Variants in PDE7B observed in about 807,000 individuals in gnomAD.
PDE7B encodes 3',5'-cyclic-AMP phosphodiesterase 7B.
A neutral mutation model predicts 56.2 loss-of-function variants in PDE7B; 29 were observed. The ratio of observed to expected loss-of-function variants is 0.52; its 90% CI spans 0.38 to 0.70. The LOEUF is 0.70. PDE7B is among the 30% of genes least tolerant of loss of function. The pLI is 0.00. For missense variants in PDE7B, 490 were observed against 565.0 expected, an observed-to-expected ratio of 0.87 and a Z score of 1.35; for synonymous variants, 197 against 196.9, an observed-to-expected ratio of 1.00 and a Z score of 0.00.
At chr6:136,181,837 T>G (rs1174101547) in intron 11 of PDE7B, among the ~76,000 whole-genome samples, 1 of 151,840 alleles carries the variant, frequency 6.6e-6, no homozygotes, top group East Asian at 1.9e-4. Context: ...GTTTCAACAG[T>G]GAGGTAGAAG....
At chr6:136,037,975 A>C in intron 2 of PDE7B, 2 of 1,225,282 alleles carry the variant, frequency 1.6e-6, no homozygotes, top group African/African-American at 3.1e-5. Flanking sequence ...AGGGGAAAAA[A>C]AATGCATTCT....
chr6:136,173,735 A>G, intron 8 of PDE7B, 62 bp from the exon 9 acceptor site: 1 of 1,072,486 alleles, frequency 9.3e-7, no homozygotes, highest in Non-Finnish European at 1.4e-6. Flanking sequence ...AGCTGTGTTC[A>G]GCATGAAAGA....
intron 2 of PDE7B, among the ~76,000 whole-genome samples, chr6:136,092,302 G>C (rs533338845): frequency 2.0e-5 from 3 of 152,014 alleles, no homozygotes; most frequent in Non-Finnish European, 4.4e-5. Context: ...TACTTCTCTG[G>C]GTTCAATTAT....
At position 136,108,755 on chromosome 6, in the gene PDE7B, CG is replaced by C. The variant is rs1562495096; in HGVS notation, c.112del (p.Val38PhefsTer32). ...MLGDIRLRGQ[T>X]GVRAERRGSY... is the part of the protein sequence containing the mutation. The stretch of plus-strand genomic sequence containing the variant: ...GGAGATATACGACTAAGGGGTCAGA[CG>C]GGGGTTCGTGCTGAACGCCGTGGCT... On this transcript the variant is annotated frameshift_variant, in exon 3 of 13. Transcript: ENST00000308191. LOFTEE classifies it high-confidence loss of function. 2 of 1,610,998 alleles carry C rather than the reference CG, an allele frequency of 1.2e-6. No homozygotes were observed. The highest frequency in any genetic ancestry group is 1.7e-6 in the Non-Finnish European group (2 of 1,177,270).
intron 2 of PDE7B, among the ~76,000 whole-genome samples, chr6:135,948,698 C>T (rs1774633096): frequency 6.6e-6 from 1 of 151,812 alleles, no homozygotes; most frequent in Non-Finnish European, 1.5e-5. Context: ...TATAGTAATA[C>T]ATTCATTGAA....
intron 2 of PDE7B, among the ~76,000 whole-genome samples, chr6:136,028,170 G>A (rs908316840): frequency 6.6e-6 from 1 of 152,050 alleles, no homozygotes; most frequent in Non-Finnish European, 1.5e-5. Context: ...GCACTGAGAC[G>A]TTAAGTTAAG....
In PDE7B at chr6:135,895,178, A is replaced by G. The variant is rs74419639; in HGVS notation, c.21+43159A>G. 3.5e-3 allele frequency among the ~76,000 whole-genome samples: 536 copies of G among 152,274 alleles called. 7 individuals carry two copies. The highest frequency in any genetic ancestry group is 0.018 in the South Asian group (88 of 4,818). On this transcript the variant is annotated intron_variant, in intron 1 of 12. Transcript: ENST00000308191. ...AACTTTTTTGAGATGTACATTGCCC[A>G]TTGGCTTTTAGAAGGCACATGTAAC...
At chr6:136,161,920 G>C (rs1778709872) in intron 8 of PDE7B, 1 of 152,134 alleles carries the variant, frequency 6.6e-6, no homozygotes. Flanking sequence ...TTCACACAGG[G>C]TATGTGTGCC....
intron 1 of PDE7B, among the ~76,000 whole-genome samples, chr6:135,891,449 G>A (rs942750066): frequency 1.3e-5 from 2 of 152,154 alleles, no homozygotes; most frequent in African/African-American, 2.4e-5. Context: ...CCATCCACAG[G>A]TCTCATTAAT....
At chr6:135,858,422 G>C (rs1775079597) in intron 1 of PDE7B, among the ~76,000 whole-genome samples, 2 of 152,138 alleles carry the variant, frequency 1.3e-5, no homozygotes, top group African/African-American at 4.8e-5. Flanking sequence ...CAAAGTGCTG[G>C]TATTGCAGGT....
intron 1 of PDE7B, among the ~76,000 whole-genome samples, chr6:135,931,315 C>T (rs779967262): frequency 3.3e-5 from 5 of 152,090 alleles, no homozygotes; most frequent in Non-Finnish European, 5.9e-5. Flanking sequence ...CTTTGATTAT[C>T]CAATGCGAGT....
chr6:135,960,680 A>G (rs2128201348), intron 2 of PDE7B, among the ~76,000 whole-genome samples: 1 of 152,306 alleles, frequency 6.6e-6, no homozygotes, highest in Admixed American at 6.5e-5. Context: ...TACAAAGTTA[A>G]CGTATCTGTA....
intron 1 of PDE7B, among the ~76,000 whole-genome samples, chr6:135,906,337 G>A (rs1038603083): frequency 1.3e-5 from 2 of 152,102 alleles, no homozygotes; most frequent in African/African-American, 2.4e-5. Context: ...ATCTTTACCC[G>A]TTGAACTACT....
At chr6:136,101,741 A>G (rs77889988) in intron 2 of PDE7B, among the ~76,000 whole-genome samples, 3,873 of 152,202 alleles carry the variant, frequency 0.025, 156 homozygotes, top group African/African-American at 0.087. Context: ...ACTGCAAGAT[A>G]CCTACACACT....
intron 1 of PDE7B, among the ~76,000 whole-genome samples, chr6:135,939,317 C>G (rs1204035278): frequency 6.6e-6 from 1 of 151,942 alleles, no homozygotes; most frequent in Non-Finnish European, 1.5e-5. Flanking sequence ...GCTGGTGTGT[C>G]TCTTATTTTG....
In PDE7B at chr6:135,931,435, A is replaced by G. The variant is rs572799158; in HGVS notation, c.22-16029A>G. On this transcript the variant is annotated intron_variant, in intron 1 of 12. Coordinates refer to ENST00000308191, the MANE Select transcript of PDE7B (RefSeq NM_018945.4). ...AAAATTACCCTTGGGATTTAGATGC[A>G]GAAATGTTTCACTAACAAAGGGCTC... 2.9e-3 allele frequency among the ~76,000 whole-genome samples: 438 copies of G among 152,360 alleles called. 1 individual carries two copies. The highest frequency in any genetic ancestry group is 0.01 in the African/African-American group (421 of 41,584).
intron 2 of PDE7B, among the ~76,000 whole-genome samples, chr6:136,082,068 A>T (rs1005893336): frequency 1.3e-5 from 2 of 152,188 alleles, no homozygotes; most frequent in African/African-American, 4.8e-5. Flanking sequence ...CCACACTCTG[A>T]GAAGCATTTA....
chr6:136,121,261 C>T (rs2038503328), intron 3 of PDE7B, among the ~76,000 whole-genome samples: 1 of 152,146 alleles, frequency 6.6e-6, no homozygotes, highest in African/African-American at 2.4e-5. Flanking sequence ...ATCTTTTCTC[C>T]CAAGAGATGC....
chr6:136,174,923 A>T (rs76388488), intron 9 of PDE7B, among the ~76,000 whole-genome samples: 2,047 of 152,322 alleles, frequency 0.013, 49 homozygotes, highest in African/African-American at 0.045. Context: ...TGCAAAAAGA[A>T]CTAAAAACTA....
Sources: gnomAD v4.1 joint callset for allele counts (sites outside exome capture counted in the v4.1 genomes callset) on GRCh38, gnomAD v4.1.1 for gene constraint, MANE v1.5 for transcripts, NCBI Gene and HGNC (gene_info 2026-07-23, HGNC 2026-07-21) for gene names.